SLC12A6: variants seen among roughly 807,000 people sequenced by gnomAD.
SLC12A6 encodes the protein solute carrier family 12 member 6, also known as K-Cl cotransporter 3.
Under a neutral mutation model 135.3 loss-of-function variants are expected in SLC12A6, and 66 were observed. The ratio of observed to expected loss-of-function variants is 0.49; its 90% CI spans 0.40 to 0.60. SLC12A6 has a LOEUF of 0.60. SLC12A6 is among the 20% of genes least tolerant of loss of function. SLC12A6 has a pLI of 0.00. For missense variants in SLC12A6, 1,058 were observed against 1,452.3 expected, an observed-to-expected ratio of 0.73 and a Z score of 4.41; for synonymous variants, 513 against 508.8, an observed-to-expected ratio of 1.01 and a Z score of -0.11.
In SLC12A6 at chr15:34,336,480, G is replaced by A; in HGVS notation, c.201C>T (p.Thr67=). ...CCAGTGCAACAGTTGCCAGCGAAGT[G>A]GTGGCCCCAGACATCTCACTCATAG... ...SEPMSEMSGA[T]TSLATVALDP... The change falls in exon 2 of 26, where the codon ACC becomes ACT. Residue 67 remains threonine, a synonymous_variant. Transcript: ENST00000354181. 1.2e-6 allele frequency: 2 copies of A among 1,613,610 alleles called. No homozygotes were observed. The highest frequency in any genetic ancestry group is 3.3e-4 in the Middle Eastern group (2 of 6,062).
intron 3 of SLC12A6, among the ~76,000 whole-genome samples, chr15:34,268,573 T>C (rs971602799): frequency 6.6e-6 from 1 of 152,200 alleles, no homozygotes; most frequent in African/African-American, 2.4e-5. Flanking sequence ...AATTTTTGGC[T>C]TGAATATCTT....
intron 2 of SLC12A6, among the ~76,000 whole-genome samples, chr15:34,334,375 G>A (rs1890064711): frequency 6.6e-6 from 1 of 152,136 alleles, no homozygotes; most frequent in African/African-American, 2.4e-5. Flanking sequence ...AGCCTAGAGG[G>A]AAGTGTATAT....
At chr15:34,298,714 G>A (rs1361630927) in intron 2 of SLC12A6, among the ~76,000 whole-genome samples, 2 of 152,064 alleles carry the variant, frequency 1.3e-5, no homozygotes, top group African/African-American at 2.4e-5. Context: ...CAGAAGCAGT[G>A]AGCACATGTA....
At chr15:34,276,039 T>C (rs1894276094) in intron 2 of SLC12A6, among the ~76,000 whole-genome samples, 1 of 152,150 alleles carries the variant, frequency 6.6e-6, no homozygotes, top group African/African-American at 2.4e-5. Context: ...ATAGTGGTAA[T>C]GGGTGTACAA....
At chr15:34,273,093 G>C (rs578150856) in intron 3 of SLC12A6, among the ~76,000 whole-genome samples, 62 of 152,348 alleles carry the variant, frequency 4.1e-4, no homozygotes, top group African/African-American at 1.4e-3. Context: ...GCTCATGCCT[G>C]TAATCCCAGC....
chr15:34,309,906 G>T (rs1365887538), intron 2 of SLC12A6, among the ~76,000 whole-genome samples: 1 of 151,984 alleles, frequency 6.6e-6, no homozygotes, highest in Non-Finnish European at 1.5e-5. Context: ...AAAATAAAAG[G>T]CTTTTCAATC....
rs182180987 is a variant in SLC12A6, at chr15:34,287,006, T to A, written c.272-11617A>T. On this transcript the variant is annotated intron_variant, in intron 2 of 25. Transcript: ENST00000354181. ...ATGCCAAAGCAAGTACTTTTTTTTT[T>A]AAATACTTTAAGTTCTGGGTTACAT... Among the ~76,000 whole-genome samples, 260 of 152,132 alleles carry A rather than the reference T, an allele frequency of 1.7e-3. 1 individual carries two copies. Among genetic ancestry groups the A allele is most frequent in the African/African-American group, 3.9e-3 (163 of 41,514 alleles).
intron 10 of SLC12A6, 99 bp downstream of exon 10, chr15:34,252,071 T>C: frequency 1.4e-6 from 1 of 711,680 alleles, no homozygotes; most frequent in Non-Finnish European, 2.6e-6. Context: ...ATTAGCACCA[T>C]GGCAGTGAAT....
intron 3 of SLC12A6, among the ~76,000 whole-genome samples, chr15:34,268,903 C>T (rs986666019): frequency 6.6e-6 from 1 of 151,014 alleles, no homozygotes; most frequent in Non-Finnish European, 1.5e-5. Flanking sequence ...GTTGCCCAGT[C>T]TGCAGTGCAG....
intron 6 of SLC12A6, among the ~76,000 whole-genome samples, chr15:34,257,123 T>C (rs1479842410): frequency 2.0e-5 from 3 of 152,082 alleles, no homozygotes; most frequent in Non-Finnish European, 4.4e-5. Flanking sequence ...CTGGGATACA[T>C]AATGAGAAGT....
chr15:34,318,119 G>C (rs1044019006), intron 2 of SLC12A6, among the ~76,000 whole-genome samples: 1 of 152,138 alleles, frequency 6.6e-6, no homozygotes, highest in African/African-American at 2.4e-5. Flanking sequence ...TACAGTCAAA[G>C]TCCACGGTAC....
Position 34,231,584 on chromosome 15 carries a change from C to CTTTTTTTTT in SLC12A6, c.*2296_*2297insAAAAAAAAA, listed in dbSNP as rs1566794201. The stretch of plus-strand genomic sequence containing the variant: ...CAAATCAAAATTACTCAATTTCTTT[C>CTTTTTTTTT]TTTCTTTCTTTTTTTTTTTTTTTGA... On this transcript the variant is annotated 3_prime_UTR_variant, in exon 26 of 26. Transcript: ENST00000354181. 1.4e-5 allele frequency: 2 copies of CTTTTTTTTT among 141,490 alleles called. 1 individual carries two copies. 8.8% of individuals were successfully genotyped at this position (141,490 alleles called of 1,614,324 possible). A position where few individuals can be genotyped will look rare whatever the true frequency, so the allele number is the denominator to read the frequency against.
intron 2 of SLC12A6, among the ~76,000 whole-genome samples, chr15:34,312,565 T>A (rs6495653): frequency 0.039 from 5,973 of 152,218 alleles, 219 homozygotes; most frequent in African/African-American, 0.099. Context: ...ACAGAATGGG[T>A]AGGAAGAAAA....
At position 34,243,294 on chromosome 15, in the gene SLC12A6, C is replaced by T. The variant is rs139324910; in HGVS notation, c.2042+680G>A. ...TTGCCCAGTAAACGTTACATCACTG[C>T]CCACCATTGGTAAGTGAAGACAGAA... On this transcript the variant is annotated intron_variant, in intron 16 of 25. Transcript: ENST00000354181. 3.3e-5 allele frequency among the ~76,000 whole-genome samples: 5 copies of T among 152,248 alleles called. No homozygotes were observed. In the South Asian group the frequency reaches 1.0e-3, roughly 32 times the overall value.
intron 21 of SLC12A6, 79 bp downstream of exon 21, chr15:34,238,153 C>G (rs1172539195): frequency 3.0e-6 from 3 of 1,016,660 alleles, no homozygotes; most frequent in Non-Finnish European, 3.1e-6. Context: ...CTATTATAAT[C>G]AGAGGAAGAA....
chr15:34,286,637 A>C (rs529425608), intron 2 of SLC12A6, among the ~76,000 whole-genome samples: 2 of 152,074 alleles, frequency 1.3e-5, no homozygotes, highest in South Asian at 2.1e-4. Flanking sequence ...TCTACTAAAA[A>C]TACAAAAAAT....
intron 25 of SLC12A6, among the ~76,000 whole-genome samples, chr15:34,234,595 C>G (rs1891130356): frequency 6.6e-6 from 1 of 152,136 alleles, no homozygotes; most frequent in African/African-American, 2.4e-5. Flanking sequence ...TGGTCTCGAA[C>G]TCCTGACCTC....
chr15:34,284,824 T>TA (rs112068536), intron 2 of SLC12A6, among the ~76,000 whole-genome samples: 15 of 152,292 alleles, frequency 9.8e-5, no homozygotes, highest in African/African-American at 1.4e-4. Flanking sequence ...TGTGCACACT[T>TA]AGATACTCAG....
intron 2 of SLC12A6, among the ~76,000 whole-genome samples, chr15:34,310,003 A>ATTTTTTTTTTTTT (rs1257406888): frequency 2.0e-5 from 3 of 146,622 alleles, no homozygotes; most frequent in Non-Finnish European, 3.0e-5. Context: ...AAAAGAGATA[A>ATTTTTTTTTTTTT]TCTTTTTTTT....
Sources: allele counts gnomAD v4.1 joint callset (sites outside exome capture counted in the v4.1 genomes callset), GRCh38; gene constraint gnomAD v4.1.1; transcripts MANE v1.5; gene names NCBI Gene and HGNC (gene_info 2026-07-23, HGNC 2026-07-21).